Variants in ADCY2 observed in about 807,000 individuals in gnomAD.
The protein encoded by ADCY2 is adenylate cyclase 2, also known as adenylate cyclase type 2.
A neutral mutation model predicts 125.2 loss-of-function variants in ADCY2; 31 were observed. The ratio of observed to expected loss-of-function variants is 0.25; its 90% CI spans 0.19 to 0.33. ADCY2 has a LOEUF of 0.33. Ranked by LOEUF, ADCY2 falls within the 10% of genes least tolerant of loss-of-function variation. The probability of loss-of-function intolerance (pLI) is 1.00; values close to 1 mark genes in which losing one functional copy is unlikely to be tolerated. For synonymous variants in ADCY2, 512 were observed against 548.4 expected (o/e 0.93, Z 0.93); for missense variants, 904 against 1,418.2 (o/e 0.64, Z 5.82).
chr5:7,412,831 C>T (rs1211310018), intron 1 of ADCY2, among the ~76,000 whole-genome samples: 1 of 152,206 alleles, frequency 6.6e-6, no homozygotes, highest in Non-Finnish European at 1.5e-5. Flanking sequence ...GCCTCAGTTT[C>T]GTCAGCTGTA....
At chr5:7,589,502 G>GAAAGAAAGAAAGAAAGAA (rs1736766581) in intron 3 of ADCY2, among the ~76,000 whole-genome samples, 1 of 61,916 alleles carries the variant, frequency 1.6e-5, no homozygotes, top group African/African-American at 4.0e-5. Context: ...AAGAAAGAAA[G>GAAAGAAAGAAAGAAAGAA]AAAGAAAGAA....
chr5:7,494,432 C>T (rs553869798), intron 2 of ADCY2, among the ~76,000 whole-genome samples: 17 of 152,288 alleles, frequency 1.1e-4, no homozygotes, highest in African/African-American at 3.1e-4. Flanking sequence ...TTCCCTCCCT[C>T]TGCACATGCT....
rs117170829 is a variant in ADCY2 at position 7,750,759 on chromosome 5, G to A, written c.1957-6690G>A. 5.0e-4 allele frequency among the ~76,000 whole-genome samples: 76 copies of A among 151,940 alleles called. No homozygotes were observed. The East Asian group carries it at 0.012, about 24-fold the overall frequency. On this transcript the variant is annotated intron_variant, in intron 15 of 24. Coordinates refer to ENST00000338316, the MANE Select transcript of ADCY2 (RefSeq NM_020546.3). ...TTGTAGACACTTGGTCCCTTGTCTC[G>A]GTGGGAGTTTTTGTAGGATTTGCTC...
intron 2 of ADCY2, among the ~76,000 whole-genome samples, chr5:7,503,306 A>C (rs1268054254): frequency 2.0e-5 from 3 of 152,184 alleles, no homozygotes; most frequent in African/African-American, 7.2e-5. Flanking sequence ...TATGCAGTGA[A>C]TTAGGTATTA....
At chr5:7,740,074 T>G (rs1742365867) in intron 14 of ADCY2, among the ~76,000 whole-genome samples, 1 of 151,770 alleles carries the variant, frequency 6.6e-6, no homozygotes, top group African/African-American at 2.4e-5. Context: ...GCTAAAAGAT[T>G]GGGGCTACAA....
chr5:7,739,117 G>A (rs532873075), intron 14 of ADCY2, among the ~76,000 whole-genome samples: 54 of 151,858 alleles, frequency 3.6e-4, no homozygotes, highest in African/African-American at 1.2e-3. Context: ...TACTTAAAGT[G>A]CACATGGAAC....
intron 2 of ADCY2, among the ~76,000 whole-genome samples, chr5:7,497,637 A>C (rs1236958615): frequency 1.3e-5 from 2 of 152,172 alleles, no homozygotes; most frequent in East Asian, 3.8e-4. Context: ...GCAAGCACCT[A>C]TGTAATTTTT....
chr5:7,646,124 T>TA lies in ADCY2; in HGVS notation c.720+19816dup, dbSNP rs538907477. ...AAAAGAGAAAAAATGTTGGGATTTT[T>TA]AAAAAAAACGTTGGAAGCAAAGAAA... On this transcript the variant is annotated intron_variant, in intron 4 of 24. Transcript: ENST00000338316. 5.5e-4 allele frequency among the ~76,000 whole-genome samples: 84 copies of TA among 151,728 alleles called. 1 individual carries two copies. Among genetic ancestry groups the TA allele is most frequent in the Non-Finnish European group, 1.0e-4 (7 of 67,864 alleles).
intron 2 of ADCY2, among the ~76,000 whole-genome samples, chr5:7,480,037 G>T (rs966828111): frequency 3.7e-4 from 57 of 152,130 alleles, no homozygotes; most frequent in African/African-American, 1.4e-3. Context: ...GATCATTAGA[G>T]AAATACAAAT....
chr5:7,599,632 C>T (rs1737129958), intron 3 of ADCY2, among the ~76,000 whole-genome samples: 1 of 152,056 alleles, frequency 6.6e-6, no homozygotes. Context: ...GGACATTACA[C>T]TGTGGGGGAT....
chr5:7,548,650 A>C (rs1735225504), intron 3 of ADCY2, among the ~76,000 whole-genome samples: 1 of 152,154 alleles, frequency 6.6e-6, no homozygotes, highest in Non-Finnish European at 1.5e-5. Flanking sequence ...CAGTAACTTT[A>C]ATGGTTTTTT....
chr5:7,814,270 ATTC>A lies in ADCY2; in HGVS notation c.2884-2588_2884-2586del, dbSNP rs572287457. Among the ~76,000 whole-genome samples the A allele has an allele frequency of 9.9e-5, 15 of 152,172 alleles. No individual in the cohort carries two copies. In the East Asian group the frequency reaches 2.9e-3, roughly 29 times the overall value. On this transcript the variant is annotated intron_variant, in intron 22 of 24. Coordinates refer to ENST00000338316, the MANE Select transcript of ADCY2 (RefSeq NM_020546.3). ...TCTTTCCCTCTTGAACAGAGATTTA[ATTC>A]TTCTTCTCCATTCATATTTATACTG...
intron 20 of ADCY2, chr5:7,794,235 T>C (rs1044243006): frequency 6.6e-6 from 1 of 152,194 alleles, no homozygotes; most frequent in African/African-American, 2.4e-5. Flanking sequence ...TTCCCTTGGC[T>C]GTAACATTTC....
At chr5:7,516,292 G>A (rs916308391) in intron 2 of ADCY2, among the ~76,000 whole-genome samples, 1 of 152,144 alleles carries the variant, frequency 6.6e-6, no homozygotes, top group Non-Finnish European at 1.5e-5. Flanking sequence ...AATGCAAATT[G>A]CAGAGTATTA....
chr5:7,554,331 G>T (rs1272900145), intron 3 of ADCY2, among the ~76,000 whole-genome samples: 1 of 152,186 alleles, frequency 6.6e-6, no homozygotes, highest in African/African-American at 2.4e-5. Flanking sequence ...GAGAGAACTT[G>T]AGGGTTCCAA....
At chr5:7,692,312 A>G (rs1265384100) in intron 5 of ADCY2, 1 of 152,164 alleles carries the variant, frequency 6.6e-6, no homozygotes, top group African/African-American at 2.4e-5. Context: ...CAGATTTTAG[A>G]TTAGCTATAT....
chr5:7,743,456 A>G (rs1742503523), intron 14 of ADCY2, among the ~76,000 whole-genome samples: 1 of 152,106 alleles, frequency 6.6e-6, no homozygotes, highest in African/African-American at 2.4e-5. Flanking sequence ...AGTTTTATTG[A>G]GTCAGAATAA....
At chr5:7,789,545 GTT>G in intron 19 of ADCY2, 95 bp from the exon 20 acceptor site, 2 of 1,297,152 alleles carry the variant, frequency 1.5e-6, no homozygotes, top group Non-Finnish European at 2.1e-6. Context: ...TCTTTTTTCG[GTT>G]TCATTTTGTT....
At chr5:7,690,283 G>A (rs895205024) in intron 4 of ADCY2, among the ~76,000 whole-genome samples, 1 of 152,136 alleles carries the variant, frequency 6.6e-6, no homozygotes, top group African/African-American at 2.4e-5. Context: ...TTTCTTAAGT[G>A]CAATAAAGCT....
Sources: allele counts gnomAD v4.1 joint callset (sites outside exome capture counted in the v4.1 genomes callset), GRCh38; gene constraint gnomAD v4.1.1; transcripts MANE v1.5; gene names NCBI Gene and HGNC (gene_info 2026-07-23, HGNC 2026-07-21).